GZMM: variants seen among roughly 807,000 people sequenced by gnomAD.
GZMM encodes the protein granzyme M, also known as HU-Met-1.
GZMM carries 23 observed loss-of-function variants against 19.2 expected under a neutral mutation model. That is an observed-to-expected ratio of 1.20 (90% CI 0.86 to 1.69). The LOEUF is 1.69. Ranked by LOEUF, GZMM falls within the 40% of genes most tolerant of loss-of-function variation. GZMM has a pLI of 0.00. For synonymous variants in GZMM, 178 were observed against 160.2 expected (o/e 1.11, Z -0.84); for missense variants, 373 against 352.2 (o/e 1.06, Z -0.47).
At chr19:545,128 T>C (rs1428967777) in intron 1 of GZMM, among the ~76,000 whole-genome samples, 8 of 91,334 alleles carry the variant, frequency 8.8e-5, no homozygotes, top group Non-Finnish European at 1.6e-4. Flanking sequence ...CGTGCTTCTG[T>C]GTATCCATCC....
chr19:549,229 A>AGGGCCG (rs1980420581), intron 4 of GZMM, 44 bp downstream of exon 4: 9 of 1,518,516 alleles, frequency 5.9e-6, no homozygotes, highest in Middle Eastern at 2.2e-4. Flanking sequence ...GGCTGGCGGG[A>AGGGCCG]GGGCCGGGGC....
At chr19:544,318 G>A (rs1245190845) in intron 1 of GZMM, among the ~76,000 whole-genome samples, 192 bp downstream of exon 1, 2 of 152,202 alleles carry the variant, frequency 1.3e-5, no homozygotes, top group African/African-American at 2.4e-5. Flanking sequence ...TCCCGGGACC[G>A]TGGGAGAGTG....
rs755067260 is a variant in GZMM at position 547,415 on chromosome 19, C to CCA, written c.191_192insCA (p.Ala65MetfsTer12). Reference sequence around the variant, plus strand: ...GTGCACCCAAAGTGGGTGCTGACGGCTGCCCACTGCCTGGCCCAGCGGTGA... The same window carrying CCA: ...GTGCACCCAAAGTGGGTGCTGACGGCCATGCCCACTGCCTGGCCCAGCGGTGA... On this transcript the variant is annotated frameshift_variant, in exon 2 of 5. Coordinates refer to ENST00000264553, the MANE Select transcript of GZMM (RefSeq NM_005317.4). LOFTEE classifies it high-confidence loss of function. 5 of 1,484,862 alleles carry CCA rather than the reference C, an allele frequency of 3.4e-6. No individual in the cohort carries two copies. The highest frequency in any genetic ancestry group is 4.5e-6 in the Non-Finnish European group (5 of 1,116,182). The allele number at this position is 1,484,862 out of a possible 1,614,324, so 92.0% of individuals were successfully genotyped here. A position where few individuals can be genotyped will look rare whatever the true frequency, so the allele number is the denominator to read the frequency against.
At chr19:544,819 C>T (rs1360718662) in intron 1 of GZMM, among the ~76,000 whole-genome samples, 1 of 144,396 alleles carries the variant, frequency 6.9e-6, no homozygotes, top group African/African-American at 2.5e-5. Flanking sequence ...TCATCCATCC[C>T]TCTACCCATG....
At chr19:545,809 A>G (rs1980258033) in intron 1 of GZMM, among the ~76,000 whole-genome samples, 1 of 151,272 alleles carries the variant, frequency 6.6e-6, no homozygotes, top group Non-Finnish European at 1.5e-5. Context: ...TCGCCCGGCT[A>G]ATTTTTTGTA....
At position 549,642 on chromosome 19, in the gene GZMM, G is replaced by T. The variant is rs771673830; in HGVS notation, c.625G>T (p.Gly209Trp). ...GTCGTCCCTGCAGGGTGACTCGGGCGGGCCCCTGGTGTGTGGCAAAGGCCG... is the reference window on the plus strand; with the variant it reads ...GTCGTCCCTGCAGGGTGACTCGGGCTGGCCCCTGGTGTGTGGCAAAGGCCG... ...DQAPCKGDSG[G>W]PLVCGKGRVL... The change falls in exon 5 of 5, where the codon GGG (glycine) becomes TGG (tryptophan). Residue 209 changes from glycine (G) to tryptophan (W), a missense_variant. Physicochemically the swap from Gly to Trp is radical, Grantham distance 184. Coordinates refer to ENST00000264553, the MANE Select transcript of GZMM (RefSeq NM_005317.4). 3 of 1,612,472 alleles carry T rather than the reference G, an allele frequency of 1.9e-6. No individual in the cohort carries two copies. In the South Asian group the frequency reaches 3.3e-5, roughly 18 times the overall value.
chr19:544,728 C>CA (rs200156047), intron 1 of GZMM, among the ~76,000 whole-genome samples: 69 of 111,900 alleles, frequency 6.2e-4, no homozygotes, highest in Non-Finnish European at 8.1e-4. Context: ...CTCCCTCCCT[C>CA]CCTCCCTCAT....
At chr19:546,903 C>G (rs1354502916) in intron 1 of GZMM, among the ~76,000 whole-genome samples, 4 of 151,854 alleles carry the variant, frequency 2.6e-5, no homozygotes, top group Non-Finnish European at 4.4e-5. Flanking sequence ...AGGCTGGTCT[C>G]GAACTCCTGG....
chr19:545,351 G>A (rs1206829060), intron 1 of GZMM, among the ~76,000 whole-genome samples: 5 of 152,142 alleles, frequency 3.3e-5, no homozygotes, highest in African/African-American at 1.2e-4. Flanking sequence ...CAGGGTGCAG[G>A]CAGCTTGCAG....
intron 1 of GZMM, among the ~76,000 whole-genome samples, chr19:544,950 CCCT>C (rs1568334411): frequency 2.1e-5 from 3 of 142,790 alleles, no homozygotes; most frequent in African/African-American, 8.3e-5. Context: ...CATCATCCAT[CCCT>C]CCTTTCAACC....
intron 1 of GZMM, among the ~76,000 whole-genome samples, chr19:545,922 C>T (rs374329387): frequency 2.6e-5 from 4 of 152,168 alleles, no homozygotes; most frequent in South Asian, 2.1e-4. Context: ...GGATTACAGG[C>T]GTGAGCCACC....
At chr19:544,169 G>A (rs562416153) in intron 1 of GZMM, 43 bp downstream of exon 1, 33 of 1,501,978 alleles carry the variant, frequency 2.2e-5, no homozygotes, top group Non-Finnish European at 2.5e-5. Context: ...GAGGCCCAGC[G>A]CTCTCGGTGG....
intron 1 of GZMM, among the ~76,000 whole-genome samples, chr19:545,993 T>A (rs575699308): frequency 1.3e-5 from 2 of 151,800 alleles, no homozygotes; most frequent in South Asian, 4.2e-4. Flanking sequence ...TTGGCCAGGC[T>A]GATCTCCAAC....
chr19:545,972 G>A (rs1425954354), intron 1 of GZMM, among the ~76,000 whole-genome samples: 2 of 151,958 alleles, frequency 1.3e-5, no homozygotes, highest in Non-Finnish European at 1.5e-5. Context: ...TACAGACGGG[G>A]TTTTACCACA....
Position 549,637 on chromosome 19 carries a change from C to T in GZMM, c.620C>T (p.Ser207Leu), listed in dbSNP as rs768644937. The T allele has an allele frequency of 1.1e-5, 18 of 1,611,652 alleles. No individual in the cohort carries two copies. In the East Asian group the frequency reaches 1.8e-4, roughly 16 times the overall value. ...SKDQAPCKGD[S>L]GGPLVCGKGR... ...GGTGTGTCGTCCCTGCAGGGTGACT[C>T]GGGCGGGCCCCTGGTGTGTGGCAAA... is the stretch of plus-strand genomic sequence containing the variant. The change falls in exon 5 of 5, where the codon TCG becomes TTG. Residue 207 changes from serine (S) to leucine (L), a missense_variant. Transcript: ENST00000264553.
At chr19:546,794 T>C (rs947488278) in intron 1 of GZMM, among the ~76,000 whole-genome samples, 2 of 151,714 alleles carry the variant, frequency 1.3e-5, no homozygotes, top group African/African-American at 2.4e-5. Context: ...GCCGAGATCG[T>C]GCCATTGCAC....
At chr19:546,567 C>G (rs1600439947) in intron 1 of GZMM, among the ~76,000 whole-genome samples, 1 of 141,996 alleles carries the variant, frequency 7.0e-6, no homozygotes, top group East Asian at 2.1e-4. Flanking sequence ...TGGCCAGGTG[C>G]AGTGGCTCAT....
At chr19:546,710 T>C (rs1600440072) in intron 1 of GZMM, among the ~76,000 whole-genome samples, 3 of 148,736 alleles carry the variant, frequency 2.0e-5, no homozygotes, top group Non-Finnish European at 3.0e-5. Flanking sequence ...TGGTGGCAGG[T>C]GCCTGTAGTC....
intron 1 of GZMM, among the ~76,000 whole-genome samples, chr19:545,388 C>G (rs535291510): frequency 6.6e-6 from 1 of 152,334 alleles, no homozygotes; most frequent in Non-Finnish European, 1.5e-5. Context: ...ACTCTTGTCA[C>G]CCAGGCTGGA....
Sources: gnomAD v4.1 joint callset for allele counts (sites outside exome capture counted in the v4.1 genomes callset) on GRCh38, gnomAD v4.1.1 for gene constraint, MANE v1.5 for transcripts, NCBI Gene and HGNC (gene_info 2026-07-23, HGNC 2026-07-21) for gene names.